Variants in CNTNAP4 observed in about 807,000 individuals in gnomAD.
CNTNAP4 encodes contactin associated protein family member 4.
Under a neutral mutation model 148.4 loss-of-function variants are expected in CNTNAP4, and 98 were observed. The observed-to-expected ratio is 0.66, with a 90% CI of 0.56 to 0.78. CNTNAP4 has a LOEUF of 0.78. Ranked by LOEUF, CNTNAP4 falls within the 30% of genes least tolerant of loss-of-function variation. The pLI is 0.00. For missense variants in CNTNAP4, 1,935 were observed against 1,565.6 expected (o/e 1.24, Z -3.98); for synonymous variants, 730 against 565.1 (o/e 1.29, Z -4.14).
intron 3 of CNTNAP4, among the ~76,000 whole-genome samples, chr16:76,419,077 C>G (rs1457451160): frequency 6.6e-6 from 1 of 151,926 alleles, no homozygotes; most frequent in East Asian, 1.9e-4. Context: ...AATATTCCAA[C>G]TCAATTTAAG....
At chr16:76,399,178 C>A (rs76046057) in intron 3 of CNTNAP4, among the ~76,000 whole-genome samples, 1 of 152,126 alleles carries the variant, frequency 6.6e-6, no homozygotes, top group African/African-American at 2.4e-5. Flanking sequence ...TTATAAATTA[C>A]CCATTCTCTA....
chr16:76,521,083 T>C, intron 15 of CNTNAP4, 57 bp from the exon 16 acceptor site: 1 of 1,454,588 alleles, frequency 6.9e-7, no homozygotes, highest in Non-Finnish European at 9.4e-7. Flanking sequence ...ATTCATTTTA[T>C]TTCATGAATT....
chr16:76,335,450 A>T (rs977462814), intron 2 of CNTNAP4, among the ~76,000 whole-genome samples: 2 of 152,182 alleles, frequency 1.3e-5, no homozygotes, highest in Admixed American at 6.5e-5. Flanking sequence ...TTGAAAGGGA[A>T]GATGAGCAGG....
rs142544064 is a variant in CNTNAP4 at position 76,335,995 on chromosome 16, A to T, written c.197-19323A>T. On this transcript the variant is annotated intron_variant, in intron 2 of 23. Coordinates refer to ENST00000611870, the MANE Select transcript of CNTNAP4 (RefSeq NM_033401.5). ...GACCAAGAAGTGTGACCCTTCCCCC[A>T]CCACAACTGCTCCTAGGACTAACTC... Among the ~76,000 whole-genome samples the T allele has an allele frequency of 4.5e-3, 680 of 152,126 alleles. 5 individuals are homozygous for T. The highest frequency in any genetic ancestry group is 0.016 in the African/African-American group (661 of 41,498).
intron 1 of CNTNAP4, among the ~76,000 whole-genome samples, chr16:76,305,346 G>A (rs1960370184): frequency 6.6e-6 from 1 of 152,090 alleles, no homozygotes; most frequent in Non-Finnish European, 1.5e-5. Context: ...TGAAGAACTA[G>A]ATCGTAGATT....
At chr16:76,325,253 AAAT>A (rs1372666068) in intron 2 of CNTNAP4, among the ~76,000 whole-genome samples, 1 of 152,234 alleles carries the variant, frequency 6.6e-6, no homozygotes, top group African/African-American at 2.4e-5. Flanking sequence ...TTTGAACAAA[AAAT>A]TAAAATATGT....
At chr16:76,438,225 T>A (rs1506818) in intron 4 of CNTNAP4, among the ~76,000 whole-genome samples, 81,748 of 151,918 alleles carry the variant, frequency 0.54, 22,205 homozygotes, top group South Asian at 0.7. Flanking sequence ...TGCAGACACA[T>A]TTCCCTCAGA....
chr16:76,528,325 G>A (rs2083830154), intron 17 of CNTNAP4, among the ~76,000 whole-genome samples: 1 of 152,136 alleles, frequency 6.6e-6, no homozygotes, highest in African/African-American at 2.4e-5. Flanking sequence ...CAGTGGTGTG[G>A]TGCAATCTTG....
At chr16:76,551,509 A>G (rs1172693509) in intron 21 of CNTNAP4, among the ~76,000 whole-genome samples, 1 of 151,998 alleles carries the variant, frequency 6.6e-6, no homozygotes, top group Admixed American at 6.6e-5. Context: ...CACTACAGAG[A>G]CTGAAAGCAG....
chr16:76,362,460 A>T, intron 3 of CNTNAP4, among the ~76,000 whole-genome samples: 1 of 152,212 alleles, frequency 6.6e-6, no homozygotes, highest in Non-Finnish European at 1.5e-5. Context: ...TTTTTTGAAT[A>T]TCCAAAACAA....
At chr16:76,428,391 A>C (rs1291110369) in intron 4 of CNTNAP4, among the ~76,000 whole-genome samples, 1 of 151,536 alleles carries the variant, frequency 6.6e-6, no homozygotes, top group Non-Finnish European at 1.5e-5. Context: ...TCTGGAAGAG[A>C]ACCCAGGACT....
intron 4 of CNTNAP4, among the ~76,000 whole-genome samples, chr16:76,441,605 GAC>G (rs575459829): frequency 1.5e-4 from 23 of 152,256 alleles, no homozygotes; most frequent in Non-Finnish European, 2.4e-4. Context: ...GGAGCTGACA[GAC>G]ACAGAAAAAG....
At chr16:76,449,675 A>G (rs2080380521) in intron 6 of CNTNAP4, 40 bp from the exon 7 acceptor site, 1 of 1,498,606 alleles carries the variant, frequency 6.7e-7, no homozygotes, top group South Asian at 1.3e-5. Flanking sequence ...TTTTTAGAAA[A>G]TCACTAAACA....
chr16:76,446,764 A>G (rs975159989), intron 4 of CNTNAP4, among the ~76,000 whole-genome samples: 1 of 152,190 alleles, frequency 6.6e-6, no homozygotes, highest in African/African-American at 2.4e-5. Context: ...GATCAGTTTA[A>G]TGTGTACTCA....
intron 9 of CNTNAP4, 124 bp downstream of exon 9, chr16:76,462,229 G>A: frequency 2.2e-6 from 2 of 910,574 alleles, no homozygotes; most frequent in Non-Finnish European, 3.2e-6. Context: ...CACTGTCTTT[G>A]ATCACGGACA....
At chr16:76,418,950 C>T (rs993601405) in intron 3 of CNTNAP4, among the ~76,000 whole-genome samples, 3 of 151,928 alleles carry the variant, frequency 2.0e-5, no homozygotes, top group Non-Finnish European at 4.4e-5. Flanking sequence ...CTCCTTTTGA[C>T]TTAAATTCTC....
Position 76,537,865 on chromosome 16 carries a change from C to G in CNTNAP4, c.2996-251C>G, listed in dbSNP as rs558791557. Among the ~76,000 whole-genome samples the G allele has an allele frequency of 2.7e-4, 41 of 152,150 alleles. 1 individual carries two copies. In the South Asian group the frequency reaches 8.5e-3, roughly 32 times the overall value. On this transcript the variant is annotated intron_variant, in intron 18 of 23. Coordinates refer to ENST00000611870, the MANE Select transcript of CNTNAP4 (RefSeq NM_033401.5). ...GACAAGCCTGGTTTGTGTTTGAACT[C>G]AGATAAGAAAGCATTTAACTTTCAA... is the stretch of plus-strand genomic sequence containing the variant.
chr16:76,401,107 G>A (rs909895523), intron 3 of CNTNAP4, among the ~76,000 whole-genome samples: 9 of 152,062 alleles, frequency 5.9e-5, no homozygotes, highest in Admixed American at 1.3e-4. Flanking sequence ...CAATAGTATT[G>A]AATCTGTACA....
intron 3 of CNTNAP4, among the ~76,000 whole-genome samples, chr16:76,358,205 A>T (rs774223244): frequency 6.6e-6 from 1 of 152,114 alleles, no homozygotes; most frequent in Non-Finnish European, 1.5e-5. Flanking sequence ...GCATGGTGAC[A>T]TGTGCCTATA....
Sources: allele counts gnomAD v4.1 joint callset (sites outside exome capture counted in the v4.1 genomes callset), GRCh38; gene constraint gnomAD v4.1.1; transcripts MANE v1.5; gene names NCBI Gene and HGNC (gene_info 2026-07-23, HGNC 2026-07-21).